Variants in DNAJC5B observed in about 807,000 individuals in gnomAD.
DNAJC5B encodes the protein DnaJ heat shock protein family (Hsp40) member C5 beta, also known as dnaJ homolog subfamily C member 5B.
Under a neutral mutation model 24.7 loss-of-function variants are expected in DNAJC5B, and 23 were observed. That is an observed-to-expected ratio of 0.93 (90% CI 0.67 to 1.32). The LOEUF (loss-of-function observed/expected upper bound fraction) is 1.32. Among genes scored for constraint, DNAJC5B ranks in the 40% most tolerant of loss-of-function variants. The probability of loss-of-function intolerance (pLI) is 0.00; values close to 1 mark genes in which losing one functional copy is unlikely to be tolerated. For missense variants in DNAJC5B, 238 were observed against 240.8 expected (o/e 0.99, Z 0.08); for synonymous variants, 101 against 90.1 (o/e 1.12, Z -0.68).
At chr8:66,090,180 A>G (rs1226996567) in intron 5 of DNAJC5B, among the ~76,000 whole-genome samples, 1 of 152,052 alleles carries the variant, frequency 6.6e-6, no homozygotes, top group Non-Finnish European at 1.5e-5. Context: ...TGAGGGCTTT[A>G]CAGACCATCT....
rs368455915 is a variant in DNAJC5B at position 66,032,735 on chromosome 8, G to A, written c.-141-10753G>A. Among the ~76,000 whole-genome samples, 161 of 152,322 alleles carry A rather than the reference G, an allele frequency of 1.1e-3. 1 individual carries two copies. In the Middle Eastern group the frequency reaches 0.014, roughly 13 times the overall value. On this transcript the variant is annotated intron_variant, in intron 1 of 5. Coordinates refer to ENST00000276570, the MANE Select transcript of DNAJC5B (RefSeq NM_033105.6). ...GCGTGCTGCCTGCTGATTCACCCAC[G>A]AGCAGGCCTGGGCTTTCCCTTCTTT...
At chr8:66,037,510 G>A (rs149624325) in intron 1 of DNAJC5B, among the ~76,000 whole-genome samples, 1 of 152,130 alleles carries the variant, frequency 6.6e-6, no homozygotes, top group Non-Finnish European at 1.5e-5. Context: ...CTGTCTAATC[G>A]TGAGTGTCTG....
chr8:66,048,309 G>A (rs1339774377), intron 2 of DNAJC5B, among the ~76,000 whole-genome samples: 1 of 152,184 alleles, frequency 6.6e-6, no homozygotes, highest in African/African-American at 2.4e-5. Context: ...TATCAGGCCT[G>A]GGGTTGGGGG....
intron 3 of DNAJC5B, among the ~76,000 whole-genome samples, chr8:66,075,301 G>A (rs761181805): frequency 6.6e-6 from 1 of 152,038 alleles, no homozygotes; most frequent in Non-Finnish European, 1.5e-5. Context: ...TGTCTGCCTG[G>A]AGATTTCTTC....
intron 3 of DNAJC5B, among the ~76,000 whole-genome samples, chr8:66,061,620 T>A (rs1161605994): frequency 6.6e-6 from 1 of 151,830 alleles, no homozygotes; most frequent in African/African-American, 2.4e-5. Flanking sequence ...AGTGTGTGTG[T>A]GTGTGTGTGT....
intron 2 of DNAJC5B, among the ~76,000 whole-genome samples, chr8:66,044,412 C>A (rs557414252): frequency 1.3e-5 from 2 of 152,154 alleles, no homozygotes; most frequent in Non-Finnish European, 2.9e-5. Context: ...CCAAGAAAGG[C>A]ATAGTTTGAC....
chr8:66,016,888 A>G (rs1805968141), upstream of DNAJC5B, among the ~76,000 whole-genome samples: 1 of 152,236 alleles, frequency 6.6e-6, no homozygotes, highest in African/African-American at 2.4e-5. Context: ...TTTGGAATGT[A>G]GGTCTTCACA....
chr8:66,077,931 T>C (rs1041881450), intron 4 of DNAJC5B, among the ~76,000 whole-genome samples: 1 of 152,224 alleles, frequency 6.6e-6, no homozygotes, highest in Non-Finnish European at 1.5e-5. Flanking sequence ...CAAGTTCCTG[T>C]TGAGCAGATT....
At chr8:66,069,662 C>T (rs1337981850) in intron 3 of DNAJC5B, among the ~76,000 whole-genome samples, 1 of 152,086 alleles carries the variant, frequency 6.6e-6, no homozygotes, top group Non-Finnish European at 1.5e-5. Flanking sequence ...CCTTCTGAAA[C>T]TATTCCAAAC....
At chr8:66,061,639 G>T (rs57810032) in intron 3 of DNAJC5B, among the ~76,000 whole-genome samples, 1 of 151,866 alleles carries the variant, frequency 6.6e-6, no homozygotes, top group Non-Finnish European at 1.5e-5. Flanking sequence ...GTGTGTGCGC[G>T]TGTATAAGGG....
intron 4 of DNAJC5B, among the ~76,000 whole-genome samples, chr8:66,079,911 T>C (rs1807553690): frequency 6.6e-6 from 1 of 152,054 alleles, no homozygotes; most frequent in Admixed American, 6.5e-5. Context: ...CAGGACTTGG[T>C]GACCAGCAGG....
intron 3 of DNAJC5B, among the ~76,000 whole-genome samples, chr8:66,064,288 G>A (rs1243859296): frequency 6.6e-6 from 1 of 152,134 alleles, no homozygotes; most frequent in African/African-American, 2.4e-5. Context: ...AGAGACACTG[G>A]GAGCCTGAAA....
upstream of DNAJC5B, among the ~76,000 whole-genome samples, chr8:66,016,767 G>A (rs1805964560): frequency 6.6e-6 from 1 of 152,114 alleles, no homozygotes; most frequent in South Asian, 2.1e-4. Context: ...TGACTATTTG[G>A]GGGTAAAGAA....
rs1384185430 is a variant in DNAJC5B, at chr8:66,095,692, CACAT to C, written c.506-4241_506-4238del. ...ACACACACACACACACACACACACA[CACAT>C]ACAATGTTCTTATATTGTTCTCATC... On this transcript the variant is annotated intron_variant, in intron 5 of 5. Transcript: ENST00000276570. Among the ~76,000 whole-genome samples the C allele has an allele frequency of 1.4e-3, 202 of 148,390 alleles. 6 individuals are homozygous for C. In the East Asian group the frequency reaches 0.026, roughly 19 times the overall value.
At chr8:66,095,640 T>G (rs962506850) in intron 5 of DNAJC5B, among the ~76,000 whole-genome samples, 1 of 147,600 alleles carries the variant, frequency 6.8e-6, no homozygotes, top group African/African-American at 2.5e-5. Flanking sequence ...AATTTTCTTA[T>G]AAGTTATACT....
intron 4 of DNAJC5B, 87 bp downstream of exon 4, chr8:66,076,960 C>A: frequency 2.2e-6 from 3 of 1,380,296 alleles, no homozygotes; most frequent in Non-Finnish European, 1.0e-6. Context: ...GGAAGTCTAA[C>A]CTTCCTGCTA....
At chr8:66,072,214 C>G (rs764106280) in intron 3 of DNAJC5B, among the ~76,000 whole-genome samples, 6 of 151,854 alleles carry the variant, frequency 4.0e-5, no homozygotes, top group Non-Finnish European at 8.8e-5. Flanking sequence ...ATTGATTCAC[C>G]AAGAATGTAT....
intron 1 of DNAJC5B, among the ~76,000 whole-genome samples, chr8:66,033,215 A>T (rs1002828933): frequency 6.6e-6 from 1 of 152,252 alleles, no homozygotes; most frequent in African/African-American, 2.4e-5. Flanking sequence ...GGGGCCACAC[A>T]GGAGGTCGGC....
chr8:66,099,912 A>T (rs1363032067), intron 5 of DNAJC5B, 25 bp from the exon 6 acceptor site: 1 of 1,602,750 alleles, frequency 6.2e-7, no homozygotes, highest in Non-Finnish European at 8.5e-7. Context: ...GAGAGTGTTT[A>T]TTGCTTTGCT....
Sources: gnomAD v4.1 joint callset for allele counts (sites outside exome capture counted in the v4.1 genomes callset) on GRCh38, gnomAD v4.1.1 for gene constraint, MANE v1.5 for transcripts, NCBI Gene and HGNC (gene_info 2026-07-23, HGNC 2026-07-21) for gene names.